Variants in RIN2 observed in about 807,000 individuals in gnomAD.
RIN2 encodes RAB5 interacting protein 2.
In RIN2, 36 loss-of-function variants were observed where a neutral mutation model predicts 78.0. The ratio of observed to expected loss-of-function variants is 0.46; its 90% CI spans 0.35 to 0.61. The LOEUF is 0.61. Ranked by LOEUF, RIN2 falls within the 20% of genes least tolerant of loss-of-function variation. The pLI is 0.00. For synonymous variants in RIN2, 466 were observed against 466.8 expected (o/e 1.00, Z 0.02); for missense variants, 1,087 against 1,159.7 (o/e 0.94, Z 0.91).
At chr20:19,844,663 CTT>C (rs1568807589) in intron 2 of RIN2, among the ~76,000 whole-genome samples, 32 of 133,814 alleles carry the variant, frequency 2.4e-4, no homozygotes, top group African/African-American at 9.5e-4. Flanking sequence ...TCTTCTTCTT[CTT>C]CTTCCTTCTT....
chr20:19,835,008 A>G (rs2036368530), intron 2 of RIN2, among the ~76,000 whole-genome samples: 1 of 151,724 alleles, frequency 6.6e-6, no homozygotes, highest in South Asian at 2.1e-4. Context: ...GAGAGAGAGA[A>G]AGAAAAAGAG....
intron 1 of RIN2, among the ~76,000 whole-genome samples, chr20:19,793,780 G>T (rs1026678549): frequency 5.9e-5 from 9 of 152,186 alleles, no homozygotes; most frequent in African/African-American, 2.2e-4. Context: ...ACAATTCATC[G>T]TTTTGTAGGA....
At chr20:19,849,518 A>C (rs1243931796) in intron 2 of RIN2, among the ~76,000 whole-genome samples, 1 of 152,140 alleles carries the variant, frequency 6.6e-6, no homozygotes, top group African/African-American at 2.4e-5. Flanking sequence ...AGCTTCCAGA[A>C]GTGGAAAGAT....
At chr20:19,904,361 C>T (rs1477839301) in intron 3 of RIN2, among the ~76,000 whole-genome samples, 1 of 151,704 alleles carries the variant, frequency 6.6e-6, no homozygotes, top group Non-Finnish European at 1.5e-5. Context: ...GTATTGATTC[C>T]ACACCTACAA....
chr20:19,811,995 G>A (rs2035619087), intron 2 of RIN2, among the ~76,000 whole-genome samples: 2 of 151,986 alleles, frequency 1.3e-5, no homozygotes, highest in Admixed American at 1.3e-4. Context: ...TTTTGTGCCT[G>A]ACTACTCCCA....
intron 1 of RIN2, among the ~76,000 whole-genome samples, chr20:19,766,407 G>T (rs1305004420): frequency 1.3e-5 from 2 of 152,100 alleles, no homozygotes; most frequent in Non-Finnish European, 2.9e-5. Flanking sequence ...CAGAGGTAGA[G>T]TCATTTCAAA....
At chr20:19,889,504 T>G in intron 2 of RIN2, 62 bp from the exon 3 acceptor site, 1 of 1,452,086 alleles carries the variant, frequency 6.9e-7, no homozygotes, top group Non-Finnish European at 9.4e-7. Flanking sequence ...GTGAGTGTTC[T>G]GTGGCTTAGA....
intron 1 of RIN2, among the ~76,000 whole-genome samples, chr20:19,799,028 T>C (rs1413164396): frequency 6.6e-6 from 1 of 152,056 alleles, no homozygotes; most frequent in Non-Finnish European, 1.5e-5. Flanking sequence ...GCCTCCCCAG[T>C]AGGTGGGACC....
intron 3 of RIN2, among the ~76,000 whole-genome samples, chr20:19,896,279 C>A (rs2123564847): frequency 6.6e-6 from 1 of 152,216 alleles, no homozygotes; most frequent in South Asian, 2.1e-4. Context: ...GCCTCCGGCT[C>A]CCAGGTTCAA....
At chr20:19,906,531 C>T (rs1031450671) in intron 3 of RIN2, among the ~76,000 whole-genome samples, 1 of 152,070 alleles carries the variant, frequency 6.6e-6, no homozygotes, top group African/African-American at 2.4e-5. Flanking sequence ...ATAATGTAGG[C>T]GAGTGAAGCC....
intron 4 of RIN2, chr20:19,935,494 C>G: frequency 9.5e-6 from 11 of 1,152,678 alleles, no homozygotes; most frequent in Non-Finnish European, 1.2e-5. Context: ...ATGATGGAAA[C>G]AGTAATGCAG....
Position 19,882,062 on chromosome 20 carries a change from G to A in RIN2, c.-36-7504G>A, listed in dbSNP as rs865950564. Among the ~76,000 whole-genome samples, 8 of 152,110 alleles carry A rather than the reference G, an allele frequency of 5.3e-5. No individual in the cohort carries two copies. The South Asian group carries it at 1.2e-3, about 24-fold the overall frequency. Reference sequence around the variant, plus strand: ...TAAATTGATGAATTTTATCTTGCTTGTAATTTTGGAAAGTGAAAAAAACTT... The same window carrying A: ...TAAATTGATGAATTTTATCTTGCTTATAATTTTGGAAAGTGAAAAAAACTT... On this transcript the variant is annotated intron_variant, in intron 2 of 12. Coordinates refer to ENST00000255006, the MANE Select transcript of RIN2 (RefSeq NM_018993.4).
At chr20:19,945,196 T>A (rs1049484569) in intron 4 of RIN2, among the ~76,000 whole-genome samples, 15 of 152,224 alleles carry the variant, frequency 9.9e-5, no homozygotes, top group Admixed American at 5.9e-4. Flanking sequence ...AGGCTCTGAT[T>A]CAAGTCTGAC....
chr20:19,973,260 C>T (rs1466533751), intron 8 of RIN2, among the ~76,000 whole-genome samples: 3 of 152,224 alleles, frequency 2.0e-5, no homozygotes, highest in African/African-American at 7.2e-5. Context: ...TACTAGCCAA[C>T]TTCAAGTGCT....
chr20:19,978,530 A>G (rs2042353128), intron 9 of RIN2, among the ~76,000 whole-genome samples: 1 of 152,208 alleles, frequency 6.6e-6, no homozygotes. Context: ...GACAAGTGCA[A>G]ATGATAAACA....
At chr20:19,967,350 T>C (rs573116677) in intron 7 of RIN2, among the ~76,000 whole-genome samples, 1 of 152,346 alleles carries the variant, frequency 6.6e-6, no homozygotes, top group South Asian at 2.1e-4. Flanking sequence ...GATGTTTTTG[T>C]TTCTCTTTCT....
At chr20:19,889,141 C>T in intron 2 of RIN2, 2 of 985,448 alleles carry the variant, frequency 2.0e-6, no homozygotes, top group Non-Finnish European at 2.4e-6. Flanking sequence ...GATGACCTCA[C>T]CCCCTTCCAG....
chr20:19,859,330 C>T (rs897914750), intron 2 of RIN2, among the ~76,000 whole-genome samples: 3 of 152,338 alleles, frequency 2.0e-5, no homozygotes, highest in Non-Finnish European at 4.4e-5. Flanking sequence ...TTCACACATT[C>T]CTGGTTCTAA....
intron 3 of RIN2, among the ~76,000 whole-genome samples, chr20:19,909,171 C>T (rs747578401): frequency 6.6e-6 from 1 of 152,064 alleles, no homozygotes; most frequent in African/African-American, 2.4e-5. Flanking sequence ...GTCTGCTCTT[C>T]AGTTTTTGTT....
Sources: gnomAD v4.1 joint callset for allele counts (sites outside exome capture counted in the v4.1 genomes callset) on GRCh38, gnomAD v4.1.1 for gene constraint, MANE v1.5 for transcripts, NCBI Gene and HGNC (gene_info 2026-07-23, HGNC 2026-07-21) for gene names.